AK8: variants seen among roughly 807,000 people sequenced by gnomAD.
The protein encoded by AK8 is adenylate kinase 8.
Under a neutral mutation model 54.6 loss-of-function variants are expected in AK8, and 44 were observed. The ratio of observed to expected loss-of-function variants is 0.81; its 90% CI spans 0.63 to 1.04. The LOEUF is 1.04. Among genes scored for constraint, AK8 ranks in the 50% least tolerant of loss-of-function variants. AK8 has a pLI of 0.00. For synonymous variants in AK8, 239 were observed against 245.6 expected, an observed-to-expected ratio of 0.97 and a Z score of 0.25; for missense variants, 555 against 613.6, an observed-to-expected ratio of 0.90 and a Z score of 1.01.
intron 11 of AK8, among the ~76,000 whole-genome samples, chr9:132,775,447 C>A (rs1267937737): frequency 6.6e-6 from 1 of 152,100 alleles, no homozygotes; most frequent in African/African-American, 2.4e-5. Flanking sequence ...GAATTACAGG[C>A]GTGCACCACC....
intron 10 of AK8, among the ~76,000 whole-genome samples, chr9:132,802,969 GTT>G (rs1198780605): frequency 6.6e-6 from 1 of 152,192 alleles, no homozygotes; most frequent in Non-Finnish European, 1.5e-5. Context: ...AAGGAAAGAG[GTT>G]TAATGGACTC....
At chr9:132,839,821 G>GGC (rs1554801253) in intron 5 of AK8, among the ~76,000 whole-genome samples, 1 of 49,814 alleles carries the variant, frequency 2.0e-5, no homozygotes, top group East Asian at 6.7e-4. Context: ...TTTTTTTGCC[G>GGC]GGGGGGGGGG....
In AK8 at chr9:132,725,640, C is replaced by A; in HGVS notation, c.*48G>T. The A allele has an allele frequency of 6.7e-7, 1 of 1,493,246 alleles. No individual in the cohort carries two copies. The highest frequency in any genetic ancestry group is 9.1e-7 in the Non-Finnish European group (1 of 1,095,128). 92.5% of individuals were successfully genotyped at this position (1,493,246 alleles called of 1,614,324 possible). ...TGTGCCGAGGCTGGGGGGCTGGGGG[C>A]AGGGGATTAACTCTTTCCCTGGGGC... On this transcript the variant is annotated 3_prime_UTR_variant, in exon 13 of 13. Coordinates refer to ENST00000298545, the MANE Select transcript of AK8 (RefSeq NM_152572.3).
intron 10 of AK8, among the ~76,000 whole-genome samples, chr9:132,805,263 C>A (rs905857091): frequency 2.0e-5 from 3 of 152,158 alleles, no homozygotes; most frequent in Admixed American, 6.5e-5. Context: ...CTTGGACTTC[C>A]CAGAAATGTC....
At chr9:132,852,667 G>A (rs1564439345) in intron 5 of AK8, among the ~76,000 whole-genome samples, 1 of 150,652 alleles carries the variant, frequency 6.6e-6, no homozygotes, top group Non-Finnish European at 1.5e-5. Flanking sequence ...CTAATGGGGA[G>A]GCTGAGGCAT....
At chr9:132,833,312 T>A (rs1588187213) in intron 5 of AK8, among the ~76,000 whole-genome samples, 2 of 152,214 alleles carry the variant, frequency 1.3e-5, no homozygotes. Flanking sequence ...TGGCTACAAA[T>A]TCTGGCAAAG....
intron 10 of AK8, among the ~76,000 whole-genome samples, chr9:132,797,464 C>T (rs543208900): frequency 1.3e-5 from 2 of 152,294 alleles, no homozygotes; most frequent in South Asian, 2.1e-4. Flanking sequence ...GGAGACGCTT[C>T]CTCTCAGTCG....
intron 1 of AK8, among the ~76,000 whole-genome samples, chr9:132,875,691 G>T (rs1402857187): frequency 6.6e-6 from 1 of 152,194 alleles, no homozygotes; most frequent in Non-Finnish European, 1.5e-5. Flanking sequence ...CTGCCTGCGG[G>T]CATCGCCCTG....
At chr9:132,764,293 G>C (rs1292917591) in intron 11 of AK8, among the ~76,000 whole-genome samples, 1 of 152,042 alleles carries the variant, frequency 6.6e-6, no homozygotes, top group Non-Finnish European at 1.5e-5. Context: ...CTGGACAACA[G>C]AGCAAGACTC....
intron 10 of AK8, among the ~76,000 whole-genome samples, chr9:132,806,335 T>TC (rs1464839552): frequency 2.0e-5 from 3 of 152,080 alleles, no homozygotes; most frequent in Non-Finnish European, 4.4e-5. Flanking sequence ...AGGCTCCTGT[T>TC]CCCCCAAGCA....
At chr9:132,727,821 C>T (rs941250162) in intron 11 of AK8, among the ~76,000 whole-genome samples, 2 of 152,130 alleles carry the variant, frequency 1.3e-5, no homozygotes, top group South Asian at 4.1e-4. Flanking sequence ...TAGAGACCAT[C>T]CCTGTAGACC....
At chr9:132,736,182 C>T (rs1457783599) in intron 11 of AK8, among the ~76,000 whole-genome samples, 1 of 138,568 alleles carries the variant, frequency 7.2e-6, no homozygotes, top group Admixed American at 8.2e-5. Flanking sequence ...AAATACTATT[C>T]AGTCTTTTTT....
chr9:132,741,891 T>C (rs921158748), intron 11 of AK8, among the ~76,000 whole-genome samples: 2 of 152,182 alleles, frequency 1.3e-5, no homozygotes, highest in Non-Finnish European at 1.5e-5. Context: ...TCACAAGACA[T>C]GGCTCTCCAA....
intron 9 of AK8, among the ~76,000 whole-genome samples, chr9:132,820,212 T>C (rs1176833322): frequency 7.3e-6 from 1 of 136,444 alleles, no homozygotes; most frequent in Non-Finnish European, 1.6e-5. Context: ...ATGCTCACTG[T>C]AAAAAAAAAA....
At chr9:132,737,856 T>C (rs967158783) in intron 11 of AK8, among the ~76,000 whole-genome samples, 2 of 152,184 alleles carry the variant, frequency 1.3e-5, no homozygotes, top group Non-Finnish European at 2.9e-5. Flanking sequence ...ATCATCAAAC[T>C]GTGAGTCCTG....
At chr9:132,849,782 C>G (rs1842895559) in intron 5 of AK8, among the ~76,000 whole-genome samples, 1 of 152,218 alleles carries the variant, frequency 6.6e-6, no homozygotes, top group African/African-American at 2.4e-5. Flanking sequence ...GGGTCTTGCT[C>G]TGTCACTCAG....
At chr9:132,812,990 A>G (rs1039589406) in intron 10 of AK8, among the ~76,000 whole-genome samples, 2 of 139,364 alleles carry the variant, frequency 1.4e-5, no homozygotes, top group South Asian at 2.4e-4. Flanking sequence ...GCAGACACCC[A>G]GGACCAGACC....
chr9:132,812,530 T>TGCCCAATGGGATGACGGGTGAGCCGCCGC (rs1841082958), intron 10 of AK8, among the ~76,000 whole-genome samples: 1 of 130,644 alleles, frequency 7.7e-6, no homozygotes. Context: ...TGAGCTACCG[T>TGCCCAATGGGATGACGGGTGAGCCGCCGC]GCCCACTGGG....
At position 132,851,373 on chromosome 9, in the gene AK8, C is replaced by T. The variant is rs1033416924; in HGVS notation, c.402+3484G>A. Among the ~76,000 whole-genome samples the T allele has an allele frequency of 2.6e-5, 4 of 152,210 alleles. 1 individual carries two copies. Among genetic ancestry groups the T allele is most frequent in the Admixed American group, 2.6e-4 (4 of 15,282 alleles). ...TTTCTCTGTCCTCCCACCACTTGAC[C>T]CTGGTCATGGGTGCAGTCCCAGGAA... On this transcript the variant is annotated intron_variant, in intron 5 of 12. Transcript: ENST00000298545.
Sources: gnomAD v4.1 joint callset for allele counts (sites outside exome capture counted in the v4.1 genomes callset) on GRCh38, gnomAD v4.1.1 for gene constraint, MANE v1.5 for transcripts, NCBI Gene and HGNC (gene_info 2026-07-23, HGNC 2026-07-21) for gene names.